The following NCKAP5 variants were observed in gnomAD, a reference collection of about 807,000 sequenced individuals.
NCKAP5 encodes nck-associated protein 5.
In NCKAP5, 92 loss-of-function variants were observed where a neutral mutation model predicts 167.0. That is an observed-to-expected ratio of 0.55 (90% CI 0.47 to 0.66). NCKAP5 has a LOEUF of 0.66. Among genes scored for constraint, NCKAP5 ranks in the 30% least tolerant of loss-of-function variants. NCKAP5 has a pLI of 0.00. For synonymous variants in NCKAP5, 891 were observed against 877.4 expected (o/e 1.02, Z -0.27); for missense variants, 2,378 against 2,315.0 (o/e 1.03, Z -0.56).
At chr2:132,934,021 A>T (rs979162606) in intron 8 of NCKAP5, among the ~76,000 whole-genome samples, 2 of 152,180 alleles carry the variant, frequency 1.3e-5, no homozygotes, top group Non-Finnish European at 2.9e-5. Flanking sequence ...TCTCTACAGG[A>T]TCTTGCTTTT....
chr2:133,580,549 A>T, the NCKAP5 span, among the ~76,000 whole-genome samples: 1 of 152,184 alleles, frequency 6.6e-6, no homozygotes, highest in East Asian at 1.9e-4. Context: ...AACATAATGG[A>T]GTTATGGTAT....
chr2:132,783,423 T>C lies in NCKAP5; in HGVS notation c.3388A>G (p.Ser1130Gly), dbSNP rs771788718. The C allele has an allele frequency of 6.3e-7, 1 of 1,588,668 alleles. No individual in the cohort carries two copies. The highest frequency in any genetic ancestry group is 1.7e-5 in the Admixed American group (1 of 57,438). Residue 1130 changes from serine (S) to glycine (G), a missense_variant, in exon 14 of 20, where the codon AGC becomes GGC. Transcript: ENST00000409261. ...TGAGCACTTTGACAACCATGAGGGC[T>C]GTTATGGCTTTTGGCGGGTGATGAG... ...SSSSPAKSHN[S>G]PHGCQSAHEK...
intron 3 of NCKAP5, among the ~76,000 whole-genome samples, chr2:133,430,768 T>C (rs1690107165): frequency 6.6e-6 from 1 of 151,602 alleles, no homozygotes; most frequent in Non-Finnish European, 1.5e-5. Flanking sequence ...TGTATGTGCA[T>C]GGTTGTTGAT....
intron 6 of NCKAP5, among the ~76,000 whole-genome samples, chr2:133,102,378 A>G (rs2149683575): frequency 6.6e-6 from 1 of 152,060 alleles, no homozygotes; most frequent in Middle Eastern, 3.4e-3. Context: ...CGATCTCCTG[A>G]CCTCGTGATC....
intron 5 of NCKAP5, among the ~76,000 whole-genome samples, chr2:133,143,772 C>A (rs1362684307): frequency 6.6e-6 from 1 of 151,962 alleles, no homozygotes; most frequent in Non-Finnish European, 1.5e-5. Context: ...GCCACTGAAC[C>A]CTTGCAACAA....
At chr2:133,601,290 C>T in the NCKAP5 span, among the ~76,000 whole-genome samples, 2,677 of 152,278 alleles carry the variant, frequency 0.018, 75 homozygotes, top group African/African-American at 0.06. Flanking sequence ...ATTTATGAAA[C>T]GTGTTTATTC....
At chr2:133,022,280 A>C (rs2078554293) in intron 6 of NCKAP5, among the ~76,000 whole-genome samples, 1 of 152,232 alleles carries the variant, frequency 6.6e-6, no homozygotes, top group Admixed American at 6.5e-5. Flanking sequence ...CTTTTGTAAA[A>C]GAAATTGACA....
At chr2:133,282,146 C>G (rs1268336494) in intron 4 of NCKAP5, among the ~76,000 whole-genome samples, 1 of 152,188 alleles carries the variant, frequency 6.6e-6, no homozygotes, top group Non-Finnish European at 1.5e-5. Context: ...TTTCCCTCAT[C>G]TGCAAAATGG....
At chr2:133,247,613 A>T (rs2088067343) in intron 4 of NCKAP5, among the ~76,000 whole-genome samples, 1 of 152,204 alleles carries the variant, frequency 6.6e-6, no homozygotes, top group Non-Finnish European at 1.5e-5. Context: ...ATCCATGAAT[A>T]GTTAAAGACC....
intron 2 of NCKAP5, chr2:133,554,296 G>A (rs1329602922): frequency 1.3e-5 from 2 of 152,146 alleles, no homozygotes; most frequent in Non-Finnish European, 1.5e-5. Context: ...TCACAAAAGT[G>A]TTATCTGTTA....
At chr2:133,618,267 C>A in the NCKAP5 span, among the ~76,000 whole-genome samples, 1 of 150,660 alleles carries the variant, frequency 6.6e-6, no homozygotes, top group Non-Finnish European at 1.5e-5. Context: ...GTCTAAAACA[C>A]CAAAAGCAAT....
intron 8 of NCKAP5, among the ~76,000 whole-genome samples, chr2:132,926,777 T>G (rs1315204681): frequency 6.6e-6 from 1 of 152,130 alleles, no homozygotes; most frequent in African/African-American, 2.4e-5. Flanking sequence ...GGATATTCAT[T>G]CCATGTCGTA....
chr2:133,640,313 C>T, the NCKAP5 span, among the ~76,000 whole-genome samples: 1 of 152,162 alleles, frequency 6.6e-6, no homozygotes, highest in Non-Finnish European at 1.5e-5. Context: ...CAGCACAAGT[C>T]AATCTTGTTA....
chr2:133,125,487 T>G (rs918270411), intron 6 of NCKAP5, among the ~76,000 whole-genome samples: 1 of 151,082 alleles, frequency 6.6e-6, no homozygotes, highest in Non-Finnish European at 1.5e-5. Context: ...GTGGGGAGAG[T>G]GGGAAGAATT....
At chr2:132,939,942 G>A (rs1300072960) in intron 8 of NCKAP5, among the ~76,000 whole-genome samples, 1 of 152,154 alleles carries the variant, frequency 6.6e-6, no homozygotes. Context: ...AGAGGTTTCA[G>A]TGAGCTGAGA....
chr2:133,105,956 C>A (rs2081671831), intron 6 of NCKAP5, among the ~76,000 whole-genome samples: 1 of 151,962 alleles, frequency 6.6e-6, no homozygotes, highest in African/African-American at 2.4e-5. Flanking sequence ...AAAATATTAC[C>A]ATATGTGCTC....
intron 8 of NCKAP5, among the ~76,000 whole-genome samples, chr2:132,884,962 C>T (rs547862992): frequency 1.3e-5 from 2 of 152,262 alleles, no homozygotes; most frequent in South Asian, 2.1e-4. Context: ...TCTATTACTG[C>T]CAAGCAAATT....
chr2:133,630,636 C>T, the NCKAP5 span, among the ~76,000 whole-genome samples: 2 of 152,162 alleles, frequency 1.3e-5, no homozygotes, highest in African/African-American at 4.8e-5. Flanking sequence ...CTTTCCCTCT[C>T]CTGCTGTTGG....
chr2:133,624,690 G>C, the NCKAP5 span, among the ~76,000 whole-genome samples: 1 of 152,158 alleles, frequency 6.6e-6, no homozygotes, highest in Non-Finnish European at 1.5e-5. Flanking sequence ...GTATTCATTT[G>C]CACTCCCTTC....
Sources: gnomAD v4.1 joint callset for allele counts (sites outside exome capture counted in the v4.1 genomes callset) on GRCh38, gnomAD v4.1.1 for gene constraint, MANE v1.5 for transcripts, NCBI Gene and HGNC (gene_info 2026-07-23, HGNC 2026-07-21) for gene names.